Variants in IHO1 observed in about 807,000 individuals in gnomAD.
The protein encoded by IHO1 is interactor of HORMAD1 1.
IHO1 carries 13 observed loss-of-function variants against 31.0 expected under a neutral mutation model. That is an observed-to-expected ratio of 0.42 (90% CI 0.27 to 0.67). The LOEUF is 0.67. Ranked by LOEUF, IHO1 falls within the 30% of genes least tolerant of loss-of-function variation. IHO1 has a pLI of 0.24. For missense variants in IHO1, 599 were observed against 687.5 expected, an observed-to-expected ratio of 0.87 and a Z score of 1.44; for synonymous variants, 221 against 248.4, an observed-to-expected ratio of 0.89 and a Z score of 1.04.
At position 49,251,695 on chromosome 3, in the gene IHO1, G is replaced by A. The variant is rs187253789; in HGVS notation, c.533-3695G>A. ...CGGCTCACCGCAACCTCTGCCTCCCGGGTTCAAGCGATTCTCCTGCCTCAG... is the reference window on the plus strand; with the variant it reads ...CGGCTCACCGCAACCTCTGCCTCCCAGGTTCAAGCGATTCTCCTGCCTCAG... On this transcript the variant is annotated intron_variant, in intron 6 of 7. Coordinates refer to ENST00000452691, the MANE Select transcript of IHO1 (RefSeq NM_001135197.2). Among the ~76,000 whole-genome samples the A allele has an allele frequency of 1.2e-4, 18 of 150,948 alleles. No homozygotes were observed. The East Asian group carries it at 2.4e-3, about 20-fold the overall frequency.
In IHO1 at chr3:49,256,716, G is replaced by C; in HGVS notation, c.1219G>C (p.Ala407Pro). ...AAACTTTTCAACCAGCATTAAGAAT[G>C]CCTGCCAAAAATATCAAGCCCAAAG... ...EINFSTSIKN[A>P]CQKYQAQSMF... Residue 407 changes from alanine to proline, a missense_variant, in exon 8 of 8, where the codon GCC (alanine) becomes CCC (proline). Coordinates refer to ENST00000452691, the MANE Select transcript of IHO1 (RefSeq NM_001135197.2). This position sits in a 1 kb window ranked among gnomAD's most constrained non-coding sequence, Gnocchi z 4.6. The C allele has an allele frequency of 3.7e-6, 6 of 1,614,196 alleles. No individual in the cohort carries two copies. Among genetic ancestry groups the C allele is most frequent in the Non-Finnish European group, 5.1e-6 (6 of 1,180,034 alleles).
intron 1 of IHO1, among the ~76,000 whole-genome samples, chr3:49,203,277 G>GA (rs965687190): frequency 7.2e-5 from 11 of 152,170 alleles, no homozygotes; most frequent in African/African-American, 2.7e-4. Flanking sequence ...AAAGCGACAT[G>GA]AAACTGCTTG....
At chr3:49,200,580 C>CG in intron 1 of IHO1, 1 of 984,788 alleles carries the variant, frequency 1.0e-6, no homozygotes, top group Non-Finnish European at 1.2e-6. Context: ...CCATGCCAAT[C>CG]GGGGCGGTCC....
intron 3 of IHO1, among the ~76,000 whole-genome samples, chr3:49,240,532 T>A (rs1292117632): frequency 2.0e-5 from 3 of 152,144 alleles, no homozygotes; most frequent in African/African-American, 7.2e-5. Context: ...CCAATTTTTG[T>A]ATTTCTAGTA....
At position 49,257,498 on chromosome 3, in the gene IHO1, G is replaced by A. The variant is rs1471119352; in HGVS notation, c.*216G>A. On this transcript the variant is annotated 3_prime_UTR_variant, in exon 8 of 8. Transcript: ENST00000452691. Reference sequence around the variant, plus strand: ...TAAGTGCATCCTTATTTATTGGAATGAAATGTGAAAATGGTGCTGATGAAA... The same window carrying A: ...TAAGTGCATCCTTATTTATTGGAATAAAATGTGAAAATGGTGCTGATGAAA... 2.3e-5 allele frequency: 12 copies of A among 525,956 alleles called. 1 individual carries two copies. The Admixed American group carries it at 3.8e-4, about 17-fold the overall frequency. The allele number at this position is 525,956 out of a possible 1,614,324, so 32.6% of individuals were successfully genotyped here.
intron 2 of IHO1, among the ~76,000 whole-genome samples, chr3:49,225,951 G>T (rs1158217610): frequency 6.6e-6 from 1 of 152,160 alleles, no homozygotes; most frequent in Non-Finnish European, 1.5e-5. Context: ...GGATCATCTG[G>T]TTGGGGGCTT....
chr3:49,250,143 A>G (rs2046742610), intron 6 of IHO1, among the ~76,000 whole-genome samples: 1 of 152,224 alleles, frequency 6.6e-6, no homozygotes, highest in African/African-American at 2.4e-5. Flanking sequence ...CAGGACCTAT[A>G]ATGTATATAC....
At chr3:49,235,845 G>T (rs911505205) in intron 2 of IHO1, among the ~76,000 whole-genome samples, 1 of 149,838 alleles carries the variant, frequency 6.7e-6, no homozygotes, top group Non-Finnish European at 1.5e-5. Flanking sequence ...CAGGAGAATG[G>T]CTTGAACCCG....
intron 4 of IHO1, among the ~76,000 whole-genome samples, chr3:49,243,098 A>G (rs1559450427): frequency 6.6e-6 from 1 of 151,566 alleles, no homozygotes. Flanking sequence ...TCTTCTGTTC[A>G]TGTCCATGAG....
At chr3:49,192,827 A>AT in the IHO1 span, among the ~76,000 whole-genome samples, 1 of 151,920 alleles carries the variant, frequency 6.6e-6, no homozygotes, top group African/African-American at 2.4e-5. Context: ...GCCTGAGGAG[A>AT]TTGAGGCTGA....
intron 2 of IHO1, among the ~76,000 whole-genome samples, chr3:49,226,236 T>C (rs533459609): frequency 2.0e-5 from 3 of 152,030 alleles, no homozygotes; most frequent in Non-Finnish European, 4.4e-5. Context: ...TCTTGGTCCC[T>C]ACACCGAGGT....
Position 49,235,123 on chromosome 3 carries a change from C to T in IHO1, c.57-1425C>T, listed in dbSNP as rs528529739. Among the ~76,000 whole-genome samples, 8 of 152,250 alleles carry T rather than the reference C, an allele frequency of 5.3e-5. No individual in the cohort carries two copies. In the East Asian group the frequency reaches 1.5e-3, roughly 29 times the overall value. On this transcript the variant is annotated intron_variant, in intron 2 of 7. Coordinates refer to ENST00000452691, the MANE Select transcript of IHO1 (RefSeq NM_001135197.2). ...CCTCCCAAAGTGCTAGCTAGGATTA[C>T]AGGCGTGAGCCACCGTGCCTGGCCA...
At chr3:49,234,479 C>T (rs919598244) in intron 2 of IHO1, among the ~76,000 whole-genome samples, 1 of 152,066 alleles carries the variant, frequency 6.6e-6, no homozygotes, top group African/African-American at 2.4e-5. Flanking sequence ...CACGCCCAGG[C>T]TCTGGTGTCC....
chr3:49,213,385 A>G (rs565412350), intron 2 of IHO1, among the ~76,000 whole-genome samples: 1 of 152,372 alleles, frequency 6.6e-6, no homozygotes, highest in South Asian at 2.1e-4. Context: ...TGAGCTAGAC[A>G]CAGAGTGCTG....
At chr3:49,228,511 G>A (rs911471495) in intron 2 of IHO1, among the ~76,000 whole-genome samples, 1 of 152,174 alleles carries the variant, frequency 6.6e-6, no homozygotes, top group Non-Finnish European at 1.5e-5. Flanking sequence ...CTCACTGCTT[G>A]GTGAAGGCCC....
intron 2 of IHO1, among the ~76,000 whole-genome samples, chr3:49,214,492 C>G (rs1348685420): frequency 1.4e-5 from 2 of 146,668 alleles, no homozygotes; most frequent in Non-Finnish European, 3.0e-5. Context: ...TCTTTAACAC[C>G]TTCCTGAAGT....
Position 49,255,498 on chromosome 3 carries a change from G to GA in IHO1, c.636+5_636+6insA. On this transcript the variant is annotated splice_donor_region_variant and intron_variant, in intron 7 of 7. Coordinates refer to ENST00000452691, the MANE Select transcript of IHO1 (RefSeq NM_001135197.2). ...ATGAAGAAAAGATTTGAAGCTGTAA[G>GA]TGTAAACCCCAACCTCTTTCTAAGT... 1 of 1,572,306 alleles carries GA rather than the reference G, an allele frequency of 6.4e-7. No homozygotes were observed. Among genetic ancestry groups the GA allele is most frequent in the Non-Finnish European group, 8.6e-7 (1 of 1,159,394 alleles).
At position 49,211,805 on chromosome 3, in the gene IHO1, A is replaced by G; in HGVS notation, c.25A>G (p.Lys9Glu). 6.4e-7 allele frequency: 1 copy of G among 1,558,480 alleles called. No individual in the cohort carries two copies. Among genetic ancestry groups the G allele is most frequent in the African/African-American group, 1.4e-5 (1 of 73,816 alleles). ...AATGAATTTTAATGTCTGGAATATC[A>G]AAGAGATGCTCAGTATTCCTTCAGG... is the stretch of plus-strand genomic sequence containing the variant. MNFNVWNI[K>E]EMLSIPSGSG... Residue 9 changes from lysine to glutamate, a missense_variant, in exon 2 of 8, where the codon AAA becomes GAA. Transcript: ENST00000452691.
intron 3 of IHO1, among the ~76,000 whole-genome samples, chr3:49,237,887 CT>C (rs574951773): frequency 1.7e-3 from 88 of 51,430 alleles, no homozygotes; most frequent in African/African-American, 3.4e-3. Flanking sequence ...CTGTCTTTTC[CT>C]TTTTTTTTTT....
Sources: allele counts gnomAD v4.1 joint callset (sites outside exome capture counted in the v4.1 genomes callset), GRCh38; gene constraint gnomAD v4.1.1; non-coding constraint Gnocchi (gnomAD v3.1); transcripts MANE v1.5; gene names NCBI Gene and HGNC (gene_info 2026-07-23, HGNC 2026-07-21).